Variants in AGBL4 observed in about 807,000 individuals in gnomAD.
The protein encoded by AGBL4 is cytosolic carboxypeptidase 6.
AGBL4 carries 58 observed loss-of-function variants against 66.4 expected under a neutral mutation model. That is an observed-to-expected ratio of 0.87 (90% CI 0.71 to 1.09). The LOEUF (loss-of-function observed/expected upper bound fraction) is 1.09. Among genes scored for constraint, AGBL4 ranks in the 50% least tolerant of loss-of-function variants. AGBL4 has a pLI of 0.00. For missense variants in AGBL4, 579 were observed against 631.0 expected, an observed-to-expected ratio of 0.92 and a Z score of 0.88; for synonymous variants, 234 against 222.9, an observed-to-expected ratio of 1.05 and a Z score of -0.44.
intron 3 of AGBL4, among the ~76,000 whole-genome samples, chr1:49,623,686 AC>A (rs1258196968): frequency 3.3e-5 from 5 of 152,202 alleles, no homozygotes; most frequent in African/African-American, 9.6e-5. Flanking sequence ...AACCAAAAAT[AC>A]AGTGTTGTGA....
intron 2 of AGBL4, among the ~76,000 whole-genome samples, chr1:49,753,920 A>G (rs1310702516): frequency 6.6e-6 from 1 of 152,186 alleles, no homozygotes; most frequent in African/African-American, 2.4e-5. Flanking sequence ...CAGCTCCATC[A>G]GGTCATTTAT....
intron 1 of AGBL4, among the ~76,000 whole-genome samples, chr1:49,991,284 T>C (rs2148403002): frequency 6.6e-6 from 1 of 152,288 alleles, no homozygotes; most frequent in South Asian, 2.1e-4. Flanking sequence ...ATAATATGAA[T>C]TCCCCTTGTA....
At chr1:48,745,168 T>C (rs1650545132) in intron 6 of AGBL4, among the ~76,000 whole-genome samples, 1 of 152,124 alleles carries the variant, frequency 6.6e-6, no homozygotes, top group Admixed American at 6.5e-5. Context: ...AAATTCTTCA[T>C]GACATGAGAG....
chr1:49,824,191 A>T (rs955219152), intron 2 of AGBL4, among the ~76,000 whole-genome samples: 2 of 152,176 alleles, frequency 1.3e-5, no homozygotes, highest in African/African-American at 4.8e-5. Context: ...CTGGGCAACA[A>T]GAGCAAAACT....
At chr1:49,605,281 C>T (rs570298685) in intron 3 of AGBL4, among the ~76,000 whole-genome samples, 7 of 152,096 alleles carry the variant, frequency 4.6e-5, no homozygotes, top group South Asian at 2.1e-4. Flanking sequence ...ACCAAAGGAG[C>T]GGGTAGGTTG....
Position 48,999,931 on chromosome 1 carries a change from A to G in AGBL4, c.594+45653T>C, listed in dbSNP as rs140713298. On this transcript the variant is annotated intron_variant, in intron 5 of 13. Transcript: ENST00000371839. ...ACTTGGGTTCTTTCAGTTCCTAGAA[A>G]TAGACTAGTTCTTTTCTCAGTCTTT... 2.6e-3 allele frequency among the ~76,000 whole-genome samples: 403 copies of G among 152,218 alleles called. 1 individual carries two copies. Among genetic ancestry groups the G allele is most frequent in the Non-Finnish European group, 2.9e-3 (195 of 68,002 alleles).
intron 4 of AGBL4, 109 bp downstream of exon 4, chr1:49,245,661 A>C: frequency 1.4e-6 from 1 of 733,442 alleles, no homozygotes; most frequent in Non-Finnish European, 2.2e-6. Flanking sequence ...TTCTTTTAAA[A>C]ATTTTTATTT....
chr1:49,423,954 A>G (rs1435358700), intron 3 of AGBL4, among the ~76,000 whole-genome samples: 1 of 152,152 alleles, frequency 6.6e-6, no homozygotes. Flanking sequence ...ATGACCTTCA[A>G]CTCTCTTAAA....
At chr1:48,586,949 G>T in intron 11 of AGBL4, 55 bp downstream of exon 11, 1 of 1,602,478 alleles carries the variant, frequency 6.2e-7, no homozygotes, top group South Asian at 1.1e-5. Context: ...TGTCAGACTT[G>T]GATACTCTCG....
At position 49,887,319 on chromosome 1, in the gene AGBL4, G is replaced by A. The variant is rs537034169; in HGVS notation, c.35-35801C>T. Among the ~76,000 whole-genome samples the A allele has an allele frequency of 2.6e-5, 4 of 151,612 alleles. No individual in the cohort carries two copies. The East Asian group carries it at 5.8e-4, about 22-fold the overall frequency. On this transcript the variant is annotated intron_variant, in intron 1 of 13. Coordinates refer to ENST00000371839, the MANE Select transcript of AGBL4 (RefSeq NM_032785.4). Reference sequence around the variant, plus strand: ...AAAAAACTCCCTATGTTAGGAAGGGGAGAAGGAAGAATCCAGATAGTTTTT... The same window carrying A: ...AAAAAACTCCCTATGTTAGGAAGGGAAGAAGGAAGAATCCAGATAGTTTTT...
intron 2 of AGBL4, among the ~76,000 whole-genome samples, chr1:49,740,572 T>G (rs1650357453): frequency 6.6e-6 from 1 of 152,096 alleles, no homozygotes; most frequent in African/African-American, 2.4e-5. Flanking sequence ...TACAGAACTC[T>G]CCACCCCAAA....
rs1404060980 is a variant in AGBL4, at chr1:48,750,181, C to T, written c.635-86940G>A. 4.6e-5 allele frequency among the ~76,000 whole-genome samples: 7 copies of T among 152,268 alleles called. No individual in the cohort carries two copies. The East Asian group carries it at 1.2e-3, about 25-fold the overall frequency. On this transcript the variant is annotated intron_variant, in intron 6 of 13. Coordinates refer to ENST00000371839, the MANE Select transcript of AGBL4 (RefSeq NM_032785.4). Reference sequence around the variant, plus strand: ...TGGCTGTTGATTGATTTGCCTGACTCAGAGGAAAATAGCAACTCAGGAGTT... The same window carrying T: ...TGGCTGTTGATTGATTTGCCTGACTTAGAGGAAAATAGCAACTCAGGAGTT...
At chr1:49,215,359 T>C (rs1648999791) in intron 4 of AGBL4, among the ~76,000 whole-genome samples, 1 of 152,140 alleles carries the variant, frequency 6.6e-6, no homozygotes, top group Non-Finnish European at 1.5e-5. Flanking sequence ...TTTAATTACT[T>C]ATGAATATTC....
At chr1:49,107,759 GAA>G (rs1220034580) in intron 4 of AGBL4, among the ~76,000 whole-genome samples, 1 of 150,842 alleles carries the variant, frequency 6.6e-6, no homozygotes, top group Non-Finnish European at 1.5e-5. Flanking sequence ...GTATCCAAGA[GAA>G]GGGTTGAATT....
chr1:48,754,879 G>A (rs1652302425), intron 6 of AGBL4, among the ~76,000 whole-genome samples: 1 of 152,146 alleles, frequency 6.6e-6, no homozygotes, highest in Non-Finnish European at 1.5e-5. Flanking sequence ...GGTCTAGAGA[G>A]AGGCACGCAG....
At chr1:49,370,407 G>A (rs1017339344) in intron 3 of AGBL4, among the ~76,000 whole-genome samples, 5 of 151,980 alleles carry the variant, frequency 3.3e-5, no homozygotes, top group African/African-American at 1.2e-4. Context: ...GGATTTCTAT[G>A]TTATGGTCTT....
intron 5 of AGBL4, among the ~76,000 whole-genome samples, chr1:49,036,447 T>C (rs888768643): frequency 6.6e-6 from 1 of 152,092 alleles, no homozygotes; most frequent in Admixed American, 6.6e-5. Context: ...GGTAAAAAGT[T>C]TGACACCATG....
At chr1:48,757,152 G>T (rs1160266118) in intron 6 of AGBL4, among the ~76,000 whole-genome samples, 2 of 152,118 alleles carry the variant, frequency 1.3e-5, no homozygotes, top group Non-Finnish European at 2.9e-5. Flanking sequence ...TAAGTACCAA[G>T]AATTTCTGTT....
chr1:48,591,095 C>CCG, intron 9 of AGBL4, 110 bp from the exon 10 acceptor site: 1 of 741,902 alleles, frequency 1.3e-6, no homozygotes, highest in Admixed American at 3.4e-5. Context: ...CACCCACCCC[C>CCG]CCCCACACAC....
Sources: allele counts gnomAD v4.1 joint callset (sites outside exome capture counted in the v4.1 genomes callset), GRCh38; gene constraint gnomAD v4.1.1; transcripts MANE v1.5; gene names NCBI Gene and HGNC (gene_info 2026-07-23, HGNC 2026-07-21).